The following TEX55 variants were observed in gnomAD, a reference collection of about 807,000 sequenced individuals.
TEX55 encodes the protein testis-specific expressed protein 55.
TEX55 carries 31 observed loss-of-function variants against 44.6 expected under a neutral mutation model. The ratio of observed to expected loss-of-function variants is 0.69; its 90% CI spans 0.52 to 0.94. The LOEUF is 0.94. Among genes scored for constraint, TEX55 ranks in the 40% least tolerant of loss-of-function variants. TEX55 has a pLI of 0.00. For missense variants in TEX55, 639 were observed against 638.4 expected (o/e 1.00, Z -0.01); for synonymous variants, 230 against 230.9 (o/e 1.00, Z 0.04).
intron 2 of TEX55, among the ~76,000 whole-genome samples, chr3:119,149,607 C>T (rs1320789631): frequency 6.6e-6 from 1 of 152,192 alleles, no homozygotes; most frequent in Non-Finnish European, 1.5e-5. Context: ...TACATAACTT[C>T]GTGTGCTATA....
rs745541155 is a variant in TEX55 at position 119,147,046 on chromosome 3, C to A, written c.857C>A (p.Thr286Asn). 5.6e-6 allele frequency: 9 copies of A among 1,614,096 alleles called. No individual in the cohort carries two copies. Among genetic ancestry groups the A allele is most frequent in the Non-Finnish European group, 7.6e-6 (9 of 1,180,040 alleles). ...YRLAGLADPG[T>N]SEQTDLRLYG... ...TTGGCTGGCCTGGCTGACCCAGGAA[C>A]TTCTGAGCAGACTGACCTCAGATTG... Residue 286 changes from threonine to asparagine, a missense_variant, in exon 1 of 3, where the codon ACT becomes AAT. Thr to Asn is a moderately conservative substitution (Grantham distance 65, BLOSUM62 0). Transcript: ENST00000295622.
Position 119,146,757 on chromosome 3 carries a change from G to A in TEX55, c.568G>A (p.Ala190Thr), listed in dbSNP as rs769027046. Residue 190 changes from alanine (A) to threonine (T), a missense_variant, in exon 1 of 3, where the codon GCT becomes ACT. By Grantham distance (58) the Ala-to-Thr change is moderately conservative. Transcript: ENST00000295622. ...AATGGCAGGCCAGTCTGAGAGAAGAGCTTCCGAGCAGATGGACCGCAGAAT... is the reference window on the plus strand; with the variant it reads ...AATGGCAGGCCAGTCTGAGAGAAGAACTTCCGAGCAGATGGACCGCAGAAT... ...HRMAGQSERR[A>T]SEQMDRRMSG... The A allele has an allele frequency of 3.7e-6, 6 of 1,613,940 alleles. No individual in the cohort carries two copies. The highest frequency in any genetic ancestry group is 5.1e-6 in the Non-Finnish European group (6 of 1,179,912).
At position 119,147,435 on chromosome 3, in the gene TEX55, A is replaced by C; in HGVS notation, c.1246A>C (p.Thr416Pro). The C allele has an allele frequency of 6.2e-7, 1 of 1,614,146 alleles. No individual in the cohort carries two copies. The highest frequency in any genetic ancestry group is 1.6e-4 in the Middle Eastern group (1 of 6,062). The stretch of plus-strand genomic sequence containing the variant: ...AGTTGAAATGGAAACTCAGAATGCA[A>C]CCACTATCCCACCCTACAACCCAGT... Reference protein sequence around the residue: ...PSVEMETQNATTIPPYNPVDA... With the variant: ...PSVEMETQNAPTIPPYNPVDA... The change falls in exon 1 of 3, where the codon ACC (threonine) becomes CCC (proline). Residue 416 changes from threonine to proline, a missense_variant. Coordinates refer to ENST00000295622, the MANE Select transcript of TEX55 (RefSeq NM_152539.3).
In TEX55 at chr3:119,151,277, G is replaced by C. The variant is rs567861679; in HGVS notation, c.1596G>C (p.Met532Ile). 6.2e-7 allele frequency: 1 copy of C among 1,613,152 alleles called. No individual in the cohort carries two copies. Among genetic ancestry groups the C allele is most frequent in the East Asian group, 2.2e-5 (1 of 44,856 alleles). Residue 532 changes from methionine to isoleucine, a missense_variant, in exon 3 of 3, where the codon ATG (methionine) becomes ATC (isoleucine). Met to Ile is a conservative substitution (Grantham distance 10). Transcript: ENST00000295622. ...YEKPEDPLNF[M>I]LCQV is the part of the protein sequence containing the mutation. Reference sequence around the variant, plus strand: ...AGCCAGAGGACCCCCTGAATTTTATGCTGTGCCAGGTATAGAATTGGAGAA... The same window carrying C: ...AGCCAGAGGACCCCCTGAATTTTATCCTGTGCCAGGTATAGAATTGGAGAA...
In TEX55 at chr3:119,146,367, C is replaced by T. The variant is rs1460934244; in HGVS notation, c.178C>T (p.Pro60Ser). The change falls in exon 1 of 3, where the codon CCT (proline) becomes TCT (serine). Residue 60 changes from proline (P) to serine (S), a missense_variant. Transcript: ENST00000295622. ...RIADQTALRV[P>S]SQAESSIFSQ... is the part of the protein sequence containing the mutation. Reference sequence around the variant, plus strand: ...AGCTGACCAGACTGCCCTAAGAGTGCCTAGCCAGGCTGAATCCAGCATATT... The same window carrying T: ...AGCTGACCAGACTGCCCTAAGAGTGTCTAGCCAGGCTGAATCCAGCATATT... The T allele has an allele frequency of 6.2e-7, 1 of 1,614,150 alleles. No individual in the cohort carries two copies. The highest frequency in any genetic ancestry group is 1.1e-5 in the South Asian group (1 of 91,076).
chr3:119,147,043 G>C lies in TEX55; in HGVS notation c.854G>C (p.Gly285Ala). ...DYRLAGLADP[G>A]TSEQTDLRLY... is the part of the protein sequence containing the mutation. ...AGATTGGCTGGCCTGGCTGACCCAG[G>C]AACTTCTGAGCAGACTGACCTCAGA... is the stretch of plus-strand genomic sequence containing the variant. Residue 285 changes from glycine (G) to alanine (A), a missense_variant, in exon 1 of 3, where the codon GGA becomes GCA. By Grantham distance (60) the Gly-to-Ala change is moderately conservative. Coordinates refer to ENST00000295622, the MANE Select transcript of TEX55 (RefSeq NM_152539.3). 1.2e-6 allele frequency: 2 copies of C among 1,614,178 alleles called. No individual in the cohort carries two copies. The highest frequency in any genetic ancestry group is 2.2e-5 in the South Asian group (2 of 91,078).
intron 2 of TEX55, among the ~76,000 whole-genome samples, chr3:119,150,157 T>C (rs898773280): frequency 6.6e-6 from 1 of 152,198 alleles, no homozygotes; most frequent in Non-Finnish European, 1.5e-5. Flanking sequence ...TCTACTTCAT[T>C]AACCTTGGTC....
chr3:119,149,517 A>G (rs2077762922), intron 2 of TEX55, among the ~76,000 whole-genome samples: 1 of 152,210 alleles, frequency 6.6e-6, no homozygotes, highest in Non-Finnish European at 1.5e-5. Context: ...AAATAGGTAG[A>G]CAGAGTACAT....
At chr3:119,150,717 G>A (rs1186925556) in intron 2 of TEX55, among the ~76,000 whole-genome samples, 1 of 151,934 alleles carries the variant, frequency 6.6e-6, no homozygotes, top group Non-Finnish European at 1.5e-5. Flanking sequence ...GTTCTTCAAA[G>A]CAAATAATTT....
rs1465709076 is a variant in TEX55, at chr3:119,146,326, A to G, written c.137A>G (p.His46Arg). Residue 46 changes from histidine to arginine, a missense_variant, in exon 1 of 3, where the codon CAC becomes CGC. Transcript: ENST00000295622. ...CAGGCCGAAAGGAAGGCAGATAACCACACTGCTCACAGAATAGCTGACCAG... is the reference window on the plus strand; with the variant it reads ...CAGGCCGAAAGGAAGGCAGATAACCGCACTGCTCACAGAATAGCTGACCAG... The part of the protein sequence containing the change: ...KNQAERKADN[H>R]TAHRIADQTA... The G allele has an allele frequency of 6.2e-7, 1 of 1,614,070 alleles. No homozygotes were observed. Among genetic ancestry groups the G allele is most frequent in the Non-Finnish European group, 8.5e-7 (1 of 1,180,040 alleles).
intron 2 of TEX55, 57 bp from the exon 3 acceptor site, chr3:119,151,167 C>A: frequency 9.2e-7 from 1 of 1,091,772 alleles, no homozygotes; most frequent in Non-Finnish European, 1.4e-6. Flanking sequence ...CAAATATAAC[C>A]TGACCACATA....
rs533178759 is a variant in TEX55, at chr3:119,148,710, T to C, written c.1542+387T>C. ...ATGCATCATTAGGCAATTTTGTCAC[T>C]GTGTAAACATCAGTGTACTTACACA... is the stretch of plus-strand genomic sequence containing the variant. On this transcript the variant is annotated intron_variant, in intron 2 of 2. Transcript: ENST00000295622. Among the ~76,000 whole-genome samples, 3 of 152,344 alleles carry C rather than the reference T, an allele frequency of 2.0e-5. No individual in the cohort carries two copies. In the East Asian group the frequency reaches 5.8e-4, roughly 29 times the overall value.
rs950116859 is a variant in TEX55, at chr3:119,146,374, A to G, written c.185A>G (p.Gln62Arg). The part of the protein sequence containing the change: ...ADQTALRVPS[Q>R]AESSIFSQAT... Reference sequence around the variant, plus strand: ...CAGACTGCCCTAAGAGTGCCTAGCCAGGCTGAATCCAGCATATTTAGCCAA... The same window carrying G: ...CAGACTGCCCTAAGAGTGCCTAGCCGGGCTGAATCCAGCATATTTAGCCAA... The change falls in exon 1 of 3, where the codon CAG becomes CGG. Residue 62 changes from glutamine (Q) to arginine (R), a missense_variant. By Grantham distance (43) the Gln-to-Arg change is conservative. Transcript: ENST00000295622. 6.2e-7 allele frequency: 1 copy of G among 1,614,104 alleles called. No individual in the cohort carries two copies. The highest frequency in any genetic ancestry group is 1.3e-5 in the African/African-American group (1 of 74,950).
chr3:119,146,794 C>T lies in TEX55; in HGVS notation c.605C>T (p.Ala202Val), dbSNP rs199919957. 5.5e-5 allele frequency: 88 copies of T among 1,614,048 alleles called. 2 individuals are homozygous for T. In the Admixed American group the frequency reaches 1.3e-3, roughly 23 times the overall value. ...EQMDRRMSGE[A>V]ERRTSEQITH... ...ATGGACCGCAGAATGTCTGGCGAGG[C>T]TGAGCGAAGAACTTCTGAGCAGATT... Residue 202 changes from alanine to valine, a missense_variant, in exon 1 of 3, where the codon GCT (alanine) becomes GTT (valine). Transcript: ENST00000295622.
intron 1 of TEX55, among the ~76,000 whole-genome samples, chr3:119,147,833 G>C (rs1198646862): frequency 1.3e-5 from 2 of 152,150 alleles, no homozygotes; most frequent in Non-Finnish European, 2.9e-5. Context: ...CCAGGATTCA[G>C]GAAACCTGCA....
In TEX55 at chr3:119,151,228, T is replaced by C. The variant is rs1175533370; in HGVS notation, c.1547T>C (p.Ile516Thr). 1.2e-6 allele frequency: 2 copies of C among 1,606,346 alleles called. No homozygotes were observed. The highest frequency in any genetic ancestry group is 1.7e-6 in the Non-Finnish European group (2 of 1,173,002). Reference protein sequence around the residue: ...KHHILQIFQQITENLVYEKPE... With the variant: ...KHHILQIFQQTTENLVYEKPE... ...GCCTTATGCTCTCTTTCTCAGCAGATTACTGAAAACTTAGTCTATGAAAAG... is the reference window on the plus strand; with the variant it reads ...GCCTTATGCTCTCTTTCTCAGCAGACTACTGAAAACTTAGTCTATGAAAAG... Residue 516 changes from isoleucine to threonine, a missense_variant, in exon 3 of 3, where the codon ATT becomes ACT. Ile to Thr is a moderately conservative substitution (Grantham distance 89). Transcript: ENST00000295622.
In TEX55 at chr3:119,146,967, C is replaced by A. The variant is rs758956113; in HGVS notation, c.778C>A (p.Arg260Ser). 3.7e-6 allele frequency: 6 copies of A among 1,614,180 alleles called. No homozygotes were observed. Among genetic ancestry groups the A allele is most frequent in the Middle Eastern group, 1.6e-4 (1 of 6,062 alleles). The change falls in exon 1 of 3, where the codon CGC (arginine) becomes AGC (serine). Residue 260 changes from arginine to serine, a missense_variant. Physicochemically the swap from Arg to Ser is moderately radical, Grantham distance 110 (BLOSUM62 -1). Coordinates refer to ENST00000295622, the MANE Select transcript of TEX55 (RefSeq NM_152539.3). ...CCAAAGACCTTCCGTACAGATTGAC[C>A]GCAGAATGTCAGGGAAAGTTAGGAG... ...SDQRPSVQID[R>S]RMSGKVRRRS...
Position 119,146,785 on chromosome 3 carries a change from C to CTGGT in TEX55, c.599_600insTTGG (p.Glu201TrpfsTer4). ...TCCGAGCAGATGGACCGCAGAATGT[C>CTGGT]TGGCGAGGCTGAGCGAAGAACTTCT... On this transcript the variant is annotated frameshift_variant, in exon 1 of 3. Transcript: ENST00000295622. LOFTEE classifies it high-confidence loss of function. 1 of 1,614,108 alleles carries CTGGT rather than the reference C, an allele frequency of 6.2e-7. No individual in the cohort carries two copies. Among genetic ancestry groups the CTGGT allele is most frequent in the Non-Finnish European group, 8.5e-7 (1 of 1,179,934 alleles).
chr3:119,148,195 A>G lies in TEX55; in HGVS notation c.1414A>G (p.Ile472Val). Residue 472 changes from isoleucine to valine, a missense_variant, in exon 2 of 3, where the codon ATT becomes GTT. Transcript: ENST00000295622. ...IVTKSDEFSEIDQGKGYHIRN... is the reference protein window; with the variant it reads ...IVTKSDEFSEVDQGKGYHIRN... ...TAAATTTCAGGATGAATTTTCAGAAATTGACCAAGGAAAGGGTTATCATAT... is the reference window on the plus strand; with the variant it reads ...TAAATTTCAGGATGAATTTTCAGAAGTTGACCAAGGAAAGGGTTATCATAT... 1 of 1,603,770 alleles carries G rather than the reference A, an allele frequency of 6.2e-7. No homozygotes were observed. The highest frequency in any genetic ancestry group is 8.5e-7 in the Non-Finnish European group (1 of 1,177,170).
Sources: allele counts gnomAD v4.1 joint callset (sites outside exome capture counted in the v4.1 genomes callset), GRCh38; gene constraint gnomAD v4.1.1; transcripts MANE v1.5; gene names NCBI Gene and HGNC (gene_info 2026-07-23, HGNC 2026-07-21).